PCDHGB1: variants seen among roughly 807,000 people sequenced by gnomAD.
PCDHGB1 encodes protocadherin gamma subfamily B, 1, also known as protocadherin gamma-B1.
Under a neutral mutation model 56.6 loss-of-function variants are expected in PCDHGB1, and 34 were observed. The ratio of observed to expected loss-of-function variants is 0.60; its 90% CI spans 0.46 to 0.80. The LOEUF is 0.80. PCDHGB1 is among the 30% of genes least tolerant of loss of function. PCDHGB1 has a pLI of 0.00. For missense variants in PCDHGB1, 1,278 were observed against 1,204.6 expected (o/e 1.06, Z -0.90); for synonymous variants, 561 against 505.9 (o/e 1.11, Z -1.46).
At chr5:141,428,312 C>A in intron 1 of PCDHGB1, 1 of 671,484 alleles carries the variant, frequency 1.5e-6, no homozygotes, top group Non-Finnish European at 2.7e-6. Flanking sequence ...CTGGTCGTGG[C>A]CTTGGCCTTG....
At chr5:141,409,908 C>T (rs1255447661) in intron 1 of PCDHGB1, 1 of 1,613,204 alleles carries the variant, frequency 6.2e-7, no homozygotes, top group Non-Finnish European at 8.5e-7. Context: ...GCTCTGGGTC[C>T]TGACGGCTCC....
intron 1 of PCDHGB1, among the ~76,000 whole-genome samples, chr5:141,467,039 A>G (rs1467529268): frequency 2.6e-5 from 4 of 150,960 alleles, no homozygotes; most frequent in Non-Finnish European, 5.9e-5. Context: ...TTTTTTGTGT[A>G]ATGAATCAAT....
chr5:141,399,944 A>C, intron 1 of PCDHGB1: 1 of 1,612,254 alleles, frequency 6.2e-7, no homozygotes, highest in Non-Finnish European at 8.5e-7. Context: ...CACGTGCTGC[A>C]GGCTAGCGAG....
At chr5:141,427,869 A>G in intron 1 of PCDHGB1, 3 of 1,559,604 alleles carry the variant, frequency 1.9e-6, no homozygotes, top group Non-Finnish European at 2.6e-6. Flanking sequence ...CTTCGAGCTC[A>G]CGATGCAGGC....
chr5:141,461,334 G>T (rs558562450), intron 1 of PCDHGB1, among the ~76,000 whole-genome samples: 75 of 152,166 alleles, frequency 4.9e-4, no homozygotes, highest in African/African-American at 1.7e-3. Flanking sequence ...GGCCATTCTT[G>T]CAGGACCAAG....
chr5:141,389,356 C>A (rs188323445), intron 1 of PCDHGB1: 4 of 1,613,916 alleles, frequency 2.5e-6, no homozygotes, highest in Non-Finnish European at 3.4e-6. Flanking sequence ...TGCATCATGG[C>A]CAGTGACCTG....
In PCDHGB1 at chr5:141,351,565, C is replaced by A. The variant is rs777094926; in HGVS notation, c.1305C>A (p.Thr435=). 13 of 1,613,926 alleles carry A rather than the reference C, an allele frequency of 8.1e-6. No individual in the cohort carries two copies. The highest frequency in any genetic ancestry group is 1.1e-5 in the Non-Finnish European group (13 of 1,179,904). ...CCCTTTCCTCCAGGACAAGCATCACCCTGCACATCTCCGACATCAACGACA... is the reference window on the plus strand; with the variant it reads ...CCCTTTCCTCCAGGACAAGCATCACACTGCACATCTCCGACATCAACGACA... ...KPALSSRTSI[T]LHISDINDNA... Residue 435 remains threonine (T), a synonymous_variant, in exon 1 of 4, where the codon ACC becomes ACA. Coordinates refer to ENST00000523390, the MANE Select transcript of PCDHGB1 (RefSeq NM_018922.3).
chr5:141,411,765 T>A (rs796485295), intron 1 of PCDHGB1: 1 of 152,418 alleles, frequency 6.6e-6, no homozygotes, highest in South Asian at 2.1e-4. Context: ...GCCTGTGGTC[T>A]CAGCTACTCT....
chr5:141,477,245 A>G lies in PCDHGB1; in HGVS notation c.2410-17562A>G. On this transcript the variant is annotated intron_variant, in intron 1 of 3. Transcript: ENST00000523390. The surrounding 1 kb of genome is among the most constrained non-coding windows in gnomAD (Gnocchi z 4.9). ...GACTGTCATCGCTTTGCTCAGTGTG[A>G]CTGACCTGGATGCTGGCGAGAACGG... 3.7e-6 allele frequency: 6 copies of G among 1,614,128 alleles called. No homozygotes were observed. The highest frequency in any genetic ancestry group is 5.1e-6 in the Non-Finnish European group (6 of 1,180,026).
At chr5:141,462,206 T>A (rs574863016) in intron 1 of PCDHGB1, among the ~76,000 whole-genome samples, 7 of 152,066 alleles carry the variant, frequency 4.6e-5, no homozygotes, top group African/African-American at 1.7e-4. Flanking sequence ...GTGATCCGCC[T>A]GCCTCGGCCT....
chr5:141,431,189 G>A lies in PCDHGB1; in HGVS notation c.2410-63618G>A. 2 of 1,614,208 alleles carry A rather than the reference G, an allele frequency of 1.2e-6. No homozygotes were observed. The highest frequency in any genetic ancestry group is 1.7e-6 in the Non-Finnish European group (2 of 1,180,036). On this transcript the variant is annotated intron_variant, in intron 1 of 3. Transcript: ENST00000523390. This position sits in a 1 kb window ranked among gnomAD's most constrained non-coding sequence, Gnocchi z 4.8. ...AAGTGAATTAGAAATAAAAATTAGT[G>A]AAAATGCAGCCACTGAGATGCGGTT...
At chr5:141,421,513 C>T (rs368199651) in intron 1 of PCDHGB1, 14 of 1,613,960 alleles carry the variant, frequency 8.7e-6, no homozygotes, top group Non-Finnish European at 1.1e-5. Context: ...CCGGGAGGAG[C>T]TCTGTGAGAC....
chr5:141,447,235 G>T (rs1458489257), intron 1 of PCDHGB1, among the ~76,000 whole-genome samples: 1 of 152,084 alleles, frequency 6.6e-6, no homozygotes, highest in Non-Finnish European at 1.5e-5. Flanking sequence ...CGCCTCCCGG[G>T]TTCAAGTGAT....
intron 1 of PCDHGB1, chr5:141,421,959 A>T: frequency 6.2e-7 from 1 of 1,612,798 alleles, no homozygotes; most frequent in Non-Finnish European, 8.5e-7. Flanking sequence ...CAATGTTTAC[A>T]CAGTCCGTAT....
intron 1 of PCDHGB1, chr5:141,413,835 C>T (rs762735722): frequency 1.9e-6 from 3 of 1,613,258 alleles, no homozygotes. Context: ...CCGCCTCCGA[C>T]GGGGGTGACC....
At chr5:141,358,657 A>T (rs1423903378) in intron 1 of PCDHGB1, among the ~76,000 whole-genome samples, 2 of 152,232 alleles carry the variant, frequency 1.3e-5, no homozygotes, top group South Asian at 2.1e-4. Context: ...TCTAGGAGTA[A>T]CTTTAATAAT....
intron 1 of PCDHGB1, among the ~76,000 whole-genome samples, chr5:141,406,302 C>T (rs897412289): frequency 1.3e-4 from 20 of 152,020 alleles, no homozygotes; most frequent in African/African-American, 4.8e-4. Context: ...GAGGTGTGAA[C>T]CACCTCACCC....
intron 1 of PCDHGB1, chr5:141,415,743 T>G (rs1317934891): frequency 9.6e-6 from 3 of 311,420 alleles, no homozygotes; most frequent in Non-Finnish European, 1.2e-5. Context: ...TATTAAGGTT[T>G]TTTTTTTTTT....
chr5:141,468,093 G>C (rs1319825848), intron 1 of PCDHGB1, among the ~76,000 whole-genome samples: 2 of 152,112 alleles, frequency 1.3e-5, no homozygotes, highest in Non-Finnish European at 2.9e-5. Flanking sequence ...GGGAGGTTGA[G>C]GCAGGCAGAT....
Sources: gnomAD v4.1 joint callset for allele counts (sites outside exome capture counted in the v4.1 genomes callset) on GRCh38, gnomAD v4.1.1 for gene constraint, Gnocchi (gnomAD v3.1) non-coding constraint, MANE v1.5 for transcripts, NCBI Gene and HGNC (gene_info 2026-07-23, HGNC 2026-07-21) for gene names.